The following FGF9 variants were observed in gnomAD, a reference collection of about 807,000 sequenced individuals.
FGF9 encodes fibroblast growth factor 9 (glia-activating factor).
Under a neutral mutation model 19.9 loss-of-function variants are expected in FGF9, and 3 were observed. The observed-to-expected ratio is 0.15, with a 90% CI of 0.07 to 0.39. The LOEUF (loss-of-function observed/expected upper bound fraction) is 0.39. Among genes scored for constraint, FGF9 ranks in the 10% least tolerant of loss-of-function variants. FGF9 has a pLI of 1.00. For missense variants in FGF9, 175 were observed against 256.8 expected (o/e 0.68, Z 2.18); for synonymous variants, 107 against 106.9 (o/e 1.00, Z -0.01).
rs556699258 is a variant in FGF9 at position 21,671,587 on chromosome 13, C to T, written c.-326C>T. Reference sequence around the variant, plus strand: ...AACTACGGATTTTTTTTCCTTATTACGGTCGGATGGGATGAAGACCTTCCT... The same window carrying T: ...AACTACGGATTTTTTTTCCTTATTATGGTCGGATGGGATGAAGACCTTCCT... On this transcript the variant is annotated 5_prime_UTR_variant, in exon 1 of 3. The change creates a new upstream start codon in the 5' untranslated region. Transcript: ENST00000382353. The T allele has an allele frequency of 1.0e-5, 5 of 494,118 alleles. No individual in the cohort carries two copies. Among genetic ancestry groups the T allele is most frequent in the Non-Finnish European group, 1.8e-5 (5 of 282,030 alleles). The allele number at this position is 494,118 out of a possible 1,614,324, so 30.6% of individuals were successfully genotyped here.
chr13:21,684,123 T>G (rs1427256099), intron 2 of FGF9, among the ~76,000 whole-genome samples: 1 of 152,246 alleles, frequency 6.6e-6, no homozygotes, highest in African/African-American at 2.4e-5. Flanking sequence ...ACTCTTTATT[T>G]AAATTCAATG....
chr13:21,682,038 T>C (rs2138134653), intron 2 of FGF9, among the ~76,000 whole-genome samples: 1 of 151,044 alleles, frequency 6.6e-6, no homozygotes, highest in East Asian at 1.9e-4. Context: ...TGAGATAGGG[T>C]ATTGCTGTTG....
At position 21,702,113 on chromosome 13, in the gene FGF9, A is replaced by G. The variant is rs1872564632; in HGVS notation, c.*678A>G. On this transcript the variant is annotated 3_prime_UTR_variant, in exon 3 of 3. Transcript: ENST00000382353. ...AGAGTTTATTTTTAATGAAACATGT[A>G]CAGGCCAGATAGGCATTTTGGAAGC... The G allele has an allele frequency of 6.6e-6, 1 of 152,078 alleles. No homozygotes were observed. Among genetic ancestry groups the G allele is most frequent in the East Asian group, 1.9e-4 (1 of 5,204 alleles). The allele number at this position is 152,078 out of a possible 1,614,324, so 9.4% of individuals were successfully genotyped here.
chr13:21,682,438 A>G (rs9550758), intron 2 of FGF9, among the ~76,000 whole-genome samples: 40,928 of 152,076 alleles, frequency 0.27, 6,778 homozygotes, highest in East Asian at 0.39. Context: ...AACTTTTTCT[A>G]GATATAATTT....
In FGF9 at chr13:21,681,077, G is replaced by T; in HGVS notation, c.313G>T (p.Val105Phe). Reference sequence around the variant, plus strand: ...ATTTATCAGTATAGCAGTGGGCCTGGTCAGCATTCGAGGCGTGGACAGTGG... The same window carrying T: ...ATTTATCAGTATAGCAGTGGGCCTGTTCAGCATTCGAGGCGTGGACAGTGG... Reference protein sequence around the residue: ...LEFISIAVGLVSIRGVDSGLY... With the variant: ...LEFISIAVGLFSIRGVDSGLY... The change falls in exon 2 of 3, where the codon GTC (valine) becomes TTC (phenylalanine). Residue 105 changes from valine (V) to phenylalanine (F), a missense_variant. Val to Phe is a conservative substitution (Grantham distance 50). Transcript: ENST00000382353. The T allele has an allele frequency of 6.2e-7, 1 of 1,614,062 alleles. No individual in the cohort carries two copies. Among genetic ancestry groups the T allele is most frequent in the Non-Finnish European group, 8.5e-7 (1 of 1,179,972 alleles).
At chr13:21,686,347 A>T (rs980993707) in intron 2 of FGF9, among the ~76,000 whole-genome samples, 4 of 152,244 alleles carry the variant, frequency 2.6e-5, no homozygotes, top group Admixed American at 2.0e-4. Context: ...ACTTTAAAAC[A>T]TCAAGAATAA....
In FGF9 at chr13:21,672,266, G is replaced by T; in HGVS notation, c.277+77G>T. 1 of 1,507,126 alleles carries T rather than the reference G, an allele frequency of 6.6e-7. No individual in the cohort carries two copies. The highest frequency in any genetic ancestry group is 1.7e-5 in the Admixed American group (1 of 59,858). The allele number at this position is 1,507,126 out of a possible 1,614,324, so 93.4% of individuals were successfully genotyped here. ...TAACTACCAAGAAGGTGGTGGCCGG[G>T]TGGGGGACGTGGGAAGGGTTCTCCC... On this transcript the variant is annotated intron_variant, in intron 1 of 2. Coordinates refer to ENST00000382353, the MANE Select transcript of FGF9 (RefSeq NM_002010.3). The surrounding 1 kb of genome is among the most constrained non-coding windows in gnomAD (Gnocchi z 4.2).
Position 21,672,284 on chromosome 13 carries a change from G to A in FGF9, c.277+95G>A. 2 of 1,340,334 alleles carry A rather than the reference G, an allele frequency of 1.5e-6. No homozygotes were observed. Among genetic ancestry groups the A allele is most frequent in the Non-Finnish European group, 2.1e-6 (2 of 936,940 alleles). 83.0% of individuals were successfully genotyped at this position (1,340,334 alleles called of 1,614,324 possible). On this transcript the variant is annotated intron_variant, in intron 1 of 2. Transcript: ENST00000382353. This position sits in a 1 kb window ranked among gnomAD's most constrained non-coding sequence, Gnocchi z 4.2. The stretch of plus-strand genomic sequence containing the variant: ...TGGCCGGGTGGGGGACGTGGGAAGG[G>A]TTCTCCCCTCCTCCCCTCTTTCTCT...
intron 2 of FGF9, among the ~76,000 whole-genome samples, chr13:21,695,197 T>C (rs1872380499): frequency 6.6e-6 from 1 of 152,150 alleles, no homozygotes; most frequent in Non-Finnish European, 1.5e-5. Context: ...AAGGGTCTTT[T>C]CTGTTTTCCT....
In FGF9 at chr13:21,671,275, T is replaced by C. The variant is rs1871759975; in HGVS notation, c.-638T>C. 3.4e-6 allele frequency: 1 copy of C among 293,982 alleles called. No individual in the cohort carries two copies. The highest frequency in any genetic ancestry group is 2.1e-5 in the African/African-American group (1 of 46,514). The allele number at this position is 293,982 out of a possible 1,614,324, so 18.2% of individuals were successfully genotyped here. On this transcript the variant is annotated 5_prime_UTR_variant, in exon 1 of 3. Coordinates refer to ENST00000382353, the MANE Select transcript of FGF9 (RefSeq NM_002010.3). Reference sequence around the variant, plus strand: ...CCTCTGGAGAATCCTGGATACTAGCTTTGGACGCCTAAAGTTTCTTCTTCT... The same window carrying C: ...CCTCTGGAGAATCCTGGATACTAGCCTTGGACGCCTAAAGTTTCTTCTTCT...
chr13:21,683,639 C>T (rs1225384403), intron 2 of FGF9, among the ~76,000 whole-genome samples: 2 of 152,194 alleles, frequency 1.3e-5, no homozygotes, highest in African/African-American at 4.8e-5. Flanking sequence ...GGCTCTTCTT[C>T]CGTGTGTGCT....
Position 21,701,721 on chromosome 13 carries a change from G to C in FGF9, c.*286G>C. ...TAGGAGTGTGTGTATGTGTGTGTGT[G>C]TGTGTGTGTGTGTGTGTGTATGTGT... On this transcript the variant is annotated 3_prime_UTR_variant, in exon 3 of 3. Coordinates refer to ENST00000382353, the MANE Select transcript of FGF9 (RefSeq NM_002010.3). The C allele has an allele frequency of 2.5e-6, 1 of 406,534 alleles. No individual in the cohort carries two copies. The highest frequency in any genetic ancestry group is 4.6e-6 in the Non-Finnish European group (1 of 215,170). The allele number at this position is 406,534 out of a possible 1,614,324, so 25.2% of individuals were successfully genotyped here. A position where few individuals can be genotyped will look rare whatever the true frequency, so the allele number is the denominator to read the frequency against.
At chr13:21,696,163 A>G (rs1227691886) in intron 2 of FGF9, among the ~76,000 whole-genome samples, 1 of 152,198 alleles carries the variant, frequency 6.6e-6, no homozygotes, top group African/African-American at 2.4e-5. Flanking sequence ...ATGTGTTATA[A>G]CATTCCTAAG....
At chr13:21,680,748 T>C (rs1001873311) in intron 1 of FGF9, among the ~76,000 whole-genome samples, 2 of 152,250 alleles carry the variant, frequency 1.3e-5, no homozygotes, top group African/African-American at 4.8e-5. Context: ...TTCTGTCCTA[T>C]TACTTCTTAG....
chr13:21,682,613 A>C (rs1378152001), intron 2 of FGF9, among the ~76,000 whole-genome samples: 1 of 152,102 alleles, frequency 6.6e-6, no homozygotes, highest in Non-Finnish European at 1.5e-5. Flanking sequence ...GAATACCTTT[A>C]AGTGTGAAAA....
chr13:21,702,639 G>T lies in FGF9; in HGVS notation c.*1204G>T, dbSNP rs555464634. ...AGCACAGACTATTTTTTTTAAAGAC[G>T]TAAGAATCAGATTAACAGGATCATA... is the stretch of plus-strand genomic sequence containing the variant. On this transcript the variant is annotated 3_prime_UTR_variant, in exon 3 of 3. Coordinates refer to ENST00000382353, the MANE Select transcript of FGF9 (RefSeq NM_002010.3). 2.6e-5 allele frequency: 4 copies of T among 152,132 alleles called. No homozygotes were observed. The highest frequency in any genetic ancestry group is 2.6e-4 in the Admixed American group (4 of 15,288). The allele number at this position is 152,132 out of a possible 1,614,324, so 9.4% of individuals were successfully genotyped here. A position where few individuals can be genotyped will look rare whatever the true frequency, so the allele number is the denominator to read the frequency against.
In FGF9 at chr13:21,701,764, C is replaced by A; in HGVS notation, c.*329C>A. ...GTATGTGTGTAGCGGGAGATGTGGGCGGAGCGAGAGCAAAAGGACTGCGGC... is the reference window on the plus strand; with the variant it reads ...GTATGTGTGTAGCGGGAGATGTGGGAGGAGCGAGAGCAAAAGGACTGCGGC... On this transcript the variant is annotated 3_prime_UTR_variant, in exon 3 of 3. Transcript: ENST00000382353. 3.2e-6 allele frequency: 1 copy of A among 309,984 alleles called. No individual in the cohort carries two copies. Among genetic ancestry groups the A allele is most frequent in the Non-Finnish European group, 6.2e-6 (1 of 162,472 alleles). 19.2% of individuals were successfully genotyped at this position (309,984 alleles called of 1,614,324 possible). A position where few individuals can be genotyped will look rare whatever the true frequency, so the allele number is the denominator to read the frequency against.
At chr13:21,687,865 G>A (rs17070350) in intron 2 of FGF9, among the ~76,000 whole-genome samples, 4,939 of 152,216 alleles carry the variant, frequency 0.032, 272 homozygotes, top group African/African-American at 0.11. Context: ...GTCATCTGTG[G>A]GCTCCTGGAT....
At chr13:21,673,478 G>A (rs897152428) in intron 1 of FGF9, among the ~76,000 whole-genome samples, 13 of 152,062 alleles carry the variant, frequency 8.5e-5, no homozygotes, top group African/African-American at 2.9e-4. Context: ...AAATTGCTCC[G>A]GCCGTCTCCA....
Sources: gnomAD v4.1 joint callset for allele counts (sites outside exome capture counted in the v4.1 genomes callset) on GRCh38, gnomAD v4.1.1 for gene constraint, Gnocchi (gnomAD v3.1) non-coding constraint, MANE v1.5 for transcripts, NCBI Gene and HGNC (gene_info 2026-07-23, HGNC 2026-07-21) for gene names.